Variants in SLC4A10 observed in about 807,000 individuals in gnomAD.
SLC4A10 encodes solute carrier family 4 member 10.
In SLC4A10, 42 loss-of-function variants were observed where a neutral mutation model predicts 137.7. That is an observed-to-expected ratio of 0.30 (90% CI 0.24 to 0.39). The LOEUF (loss-of-function observed/expected upper bound fraction) is 0.39, where lower values mean the gene tolerates loss of function less well. Ranked by LOEUF, SLC4A10 falls within the 10% of genes least tolerant of loss-of-function variation. The pLI is 1.00. For missense variants in SLC4A10, 925 were observed against 1,355.0 expected, an observed-to-expected ratio of 0.68 and a Z score of 4.98; for synonymous variants, 474 against 464.1, an observed-to-expected ratio of 1.02 and a Z score of -0.27.
intron 4 of SLC4A10, among the ~76,000 whole-genome samples, chr2:161,843,668 T>G (rs1469839196): frequency 1.3e-5 from 2 of 152,192 alleles, no homozygotes; most frequent in Admixed American, 1.3e-4. Context: ...AAAACACTAA[T>G]TTTTGTTAAT....
At chr2:161,955,034 C>T (rs1018193939) in intron 19 of SLC4A10, among the ~76,000 whole-genome samples, 1 of 152,122 alleles carries the variant, frequency 6.6e-6, no homozygotes, top group African/African-American at 2.4e-5. Context: ...ATCTCACAGC[C>T]ACCAGCTCCT....
At chr2:161,871,337 A>G (rs963971118) in intron 6 of SLC4A10, among the ~76,000 whole-genome samples, 1 of 151,910 alleles carries the variant, frequency 6.6e-6, no homozygotes, top group African/African-American at 2.4e-5. Context: ...ATTTTGAGTC[A>G]TTGAGTTATT....
chr2:161,801,248 T>C (rs879328002), intron 2 of SLC4A10, among the ~76,000 whole-genome samples: 2 of 152,054 alleles, frequency 1.3e-5, no homozygotes, highest in Non-Finnish European at 2.9e-5. Flanking sequence ...ACTTTTCTAC[T>C]TGTTTCTTCT....
intron 25 of SLC4A10, chr2:161,977,418 C>T: frequency 2.0e-6 from 1 of 489,378 alleles, no homozygotes; most frequent in Non-Finnish European, 3.9e-6. Flanking sequence ...CAAACAACTC[C>T]TGTAGTTGTG....
chr2:161,879,360 T>A, intron 9 of SLC4A10, 72 bp downstream of exon 9: 1 of 1,411,248 alleles, frequency 7.1e-7, no homozygotes, highest in African/African-American at 1.4e-5. Context: ...GAGGATTCAA[T>A]GTAATTTTCT....
intron 1 of SLC4A10, among the ~76,000 whole-genome samples, chr2:161,694,983 C>T (rs1385526135): frequency 6.6e-6 from 1 of 151,780 alleles, no homozygotes; most frequent in Non-Finnish European, 1.5e-5. Context: ...ATTTAATTCT[C>T]CAGGTATCTA....
intron 1 of SLC4A10, among the ~76,000 whole-genome samples, chr2:161,636,944 T>G (rs1231819999): frequency 6.6e-6 from 1 of 150,682 alleles, no homozygotes; most frequent in African/African-American, 2.4e-5. Context: ...CTTGAACTAC[T>G]AGCCTCAGGC....
At chr2:161,787,544 C>T (rs1349369166) in intron 2 of SLC4A10, among the ~76,000 whole-genome samples, 1 of 152,094 alleles carries the variant, frequency 6.6e-6, no homozygotes, top group Admixed American at 6.6e-5. Context: ...TCTTTCTCAG[C>T]AATACCTATA....
intron 16 of SLC4A10, among the ~76,000 whole-genome samples, chr2:161,944,862 T>G (rs950650599): frequency 2.6e-5 from 4 of 151,600 alleles, no homozygotes; most frequent in Non-Finnish European, 4.4e-5. Context: ...CAAAAATATT[T>G]TATTAATAAA....
intron 1 of SLC4A10, among the ~76,000 whole-genome samples, chr2:161,734,386 T>G (rs1412701988): frequency 6.6e-6 from 1 of 152,176 alleles, no homozygotes; most frequent in African/African-American, 2.4e-5. Context: ...TATCAGGGGT[T>G]GCTGCTTTTG....
In SLC4A10 at chr2:161,976,825, T is replaced by C. The variant is rs1699454854; in HGVS notation, c.3293T>C (p.Leu1098Pro). Residue 1098 changes from leucine to proline, a missense_variant, in exon 25 of 27, where the codon CTG becomes CCG. Physicochemically the swap from Leu to Pro is moderately conservative, Grantham distance 98 (BLOSUM62 -3). This residue lies in a region of SLC4A10 where 84 missense variants were observed against 76.9 expected (regional missense o/e 1.09). Coordinates refer to ENST00000446997, the MANE Select transcript of SLC4A10 (RefSeq NM_001178015.2). Reference sequence around the variant, plus strand: ...AAGACTGCCTTGTGGAGGAACCTTCTGATTACTGCCGATAACTCAAAAGAT... The same window carrying C: ...AAGACTGCCTTGTGGAGGAACCTTCCGATTACTGCCGATAACTCAAAAGAT... ...MSKTALWRNLLITADNSKDKE... is the reference protein window; with the variant it reads ...MSKTALWRNLPITADNSKDKE... 11 of 1,605,780 alleles carry C rather than the reference T, an allele frequency of 6.9e-6. No individual in the cohort carries two copies. The highest frequency in any genetic ancestry group is 9.4e-6 in the Non-Finnish European group (11 of 1,176,014).
intron 1 of SLC4A10, among the ~76,000 whole-genome samples, chr2:161,625,066 CGTGTGTGTGT>C (rs5835872): frequency 0.6 from 86,327 of 144,142 alleles, 25,879 homozygotes; most frequent in Admixed American, 0.65. Flanking sequence ...ACAGAAGGAT[CGTGTGTGTGT>C]GTGTGTGTGT....
chr2:161,958,548 G>A lies in SLC4A10; in HGVS notation c.2855G>A (p.Gly952Glu). The change falls in exon 21 of 27, where the codon GGA becomes GAA. Residue 952 changes from glycine (G) to glutamate (E), a missense_variant. Gly to Glu is a moderately conservative substitution (Grantham distance 98). Around this residue, in one of 11 missense-constraint regions of SLC4A10, gnomAD observed 115 missense variants for 237.5 expected, o/e 0.48. Coordinates refer to ENST00000446997, the MANE Select transcript of SLC4A10 (RefSeq NM_001178015.2). The stretch of plus-strand genomic sequence containing the variant: ...TATATGGGTGCTTCATCTCTAAAGG[G>A]AATTCAGGTAAATTACTTACAGTAC... ...FLYMGASSLKGIQFFDRIKLF... is the reference protein window; with the variant it reads ...FLYMGASSLKEIQFFDRIKLF... 1 of 1,608,892 alleles carries A rather than the reference G, an allele frequency of 6.2e-7. No individual in the cohort carries two copies. Among genetic ancestry groups the A allele is most frequent in the Non-Finnish European group, 8.5e-7 (1 of 1,176,764 alleles).
intron 1 of SLC4A10, among the ~76,000 whole-genome samples, chr2:161,740,643 G>A (rs1050329446): frequency 6.6e-6 from 1 of 152,148 alleles, no homozygotes; most frequent in Admixed American, 6.5e-5. Context: ...GCTCCACATA[G>A]GCCTATGGCA....
chr2:161,788,724 T>A (rs770573626), intron 2 of SLC4A10, among the ~76,000 whole-genome samples: 103 of 152,202 alleles, frequency 6.8e-4, no homozygotes, highest in Non-Finnish European at 9.7e-4. Context: ...AGCAAACAGT[T>A]TTTCAACTTG....
intron 8 of SLC4A10, among the ~76,000 whole-genome samples, chr2:161,874,508 C>T (rs1005151833): frequency 6.6e-6 from 1 of 152,234 alleles, no homozygotes; most frequent in African/African-American, 2.4e-5. Flanking sequence ...GTAGTCTCAT[C>T]TTCTGGTCCC....
intron 1 of SLC4A10, among the ~76,000 whole-genome samples, chr2:161,662,644 C>T (rs937377736): frequency 2.0e-5 from 3 of 152,138 alleles, no homozygotes; most frequent in African/African-American, 7.2e-5. Flanking sequence ...GAAACCAGTA[C>T]ATTTCAACTT....
At chr2:161,648,608 T>C (rs1301338357) in intron 1 of SLC4A10, among the ~76,000 whole-genome samples, 1 of 152,144 alleles carries the variant, frequency 6.6e-6, no homozygotes, top group Non-Finnish European at 1.5e-5. Context: ...CAACCCTGAG[T>C]GTTAGCCTCC....
chr2:161,625,942 T>C (rs771239670), intron 1 of SLC4A10, among the ~76,000 whole-genome samples: 7 of 151,854 alleles, frequency 4.6e-5, no homozygotes, highest in Non-Finnish European at 7.4e-5. Context: ...TGCCTAAAAA[T>C]AGAGATATTT....
Sources: allele counts gnomAD v4.1 joint callset (sites outside exome capture counted in the v4.1 genomes callset), GRCh38; gene constraint gnomAD v4.1.1; regional missense constraint gnomAD v4.1.1; transcripts MANE v1.5; gene names NCBI Gene and HGNC (gene_info 2026-07-23, HGNC 2026-07-21).